Variants in ANKRD13C observed in about 807,000 individuals in gnomAD.
ANKRD13C encodes ankyrin repeat domain-containing protein 13C.
Under a neutral mutation model 65.5 loss-of-function variants are expected in ANKRD13C, and 16 were observed. The ratio of observed to expected loss-of-function variants is 0.24; its 90% CI spans 0.17 to 0.37. The LOEUF (loss-of-function observed/expected upper bound fraction) is 0.37. Ranked by LOEUF, ANKRD13C falls within the 10% of genes least tolerant of loss-of-function variation. The pLI is 1.00. For synonymous variants in ANKRD13C, 235 were observed against 238.7 expected (o/e 0.98, Z 0.14); for missense variants, 503 against 655.9 (o/e 0.77, Z 2.55).
chr1:70,308,364 T>C (rs1231817472), intron 5 of ANKRD13C, among the ~76,000 whole-genome samples: 2 of 151,850 alleles, frequency 1.3e-5, no homozygotes, highest in East Asian at 1.9e-4. Context: ...CACTAATACT[T>C]TTATTAAAAA....
chr1:70,341,119 C>T (rs1682288267), intron 1 of ANKRD13C, among the ~76,000 whole-genome samples: 1 of 152,116 alleles, frequency 6.6e-6, no homozygotes, highest in Non-Finnish European at 1.5e-5. Context: ...CAAAAAACAA[C>T]TATTGGGATA....
chr1:70,324,992 T>C (rs966197220), intron 2 of ANKRD13C, 35 bp from the exon 3 acceptor site: 2 of 1,455,196 alleles, frequency 1.4e-6, no homozygotes, highest in Non-Finnish European at 1.9e-6. Flanking sequence ...TCAAACATCA[T>C]GCAATTTTTA....
intron 3 of ANKRD13C, among the ~76,000 whole-genome samples, chr1:70,320,584 C>G (rs1681263292): frequency 1.3e-5 from 2 of 151,956 alleles, no homozygotes; most frequent in Non-Finnish European, 2.9e-5. Flanking sequence ...ACCCACCTGT[C>G]TCGGCCTCCC....
Position 70,351,433 on chromosome 1 carries a change from T to C in ANKRD13C, c.430+2546A>G, listed in dbSNP as rs192227720. Among the ~76,000 whole-genome samples, 671 of 152,306 alleles carry C rather than the reference T, an allele frequency of 4.4e-3. 2 individuals are homozygous for C. Among genetic ancestry groups the C allele is most frequent in the Non-Finnish European group, 7.1e-3 (482 of 68,018 alleles). On this transcript the variant is annotated intron_variant, in intron 1 of 12. Transcript: ENST00000370944. ...TTTATTTATTGAGACGGAGTCTCAC[T>C]CTGTTACCCAGGCTGGAGTGCAACG... is the stretch of plus-strand genomic sequence containing the variant.
At chr1:70,286,320 C>T (rs78079426) in intron 9 of ANKRD13C, among the ~76,000 whole-genome samples, 3,072 of 152,048 alleles carry the variant, frequency 0.02, 116 homozygotes, top group African/African-American at 0.071. Flanking sequence ...GTCCAAATAA[C>T]ATATAAAAAG....
intron 2 of ANKRD13C, among the ~76,000 whole-genome samples, chr1:70,329,867 C>T (rs150514302): frequency 5.3e-5 from 8 of 151,778 alleles, no homozygotes; most frequent in South Asian, 2.1e-4. Flanking sequence ...CTGAGGCGGG[C>T]GGATCAGGAG....
At chr1:70,297,649 C>T (rs2101315418) in intron 7 of ANKRD13C, among the ~76,000 whole-genome samples, 1 of 149,120 alleles carries the variant, frequency 6.7e-6, no homozygotes, top group East Asian at 2.1e-4. Context: ...GGCTAGGTGG[C>T]TCATGCCTGT....
rs1359415259 is a variant in ANKRD13C at position 70,300,756 on chromosome 1, A to G, written c.921+8T>C. ...TTTAAAGGAATATTGATAAGACAAC[A>G]TGCTCACCTCATGATGTATTCGCTG... On this transcript the variant is annotated splice_region_variant and intron_variant, in intron 7 of 12. Coordinates refer to ENST00000370944, the MANE Select transcript of ANKRD13C (RefSeq NM_030816.5). 6.3e-7 allele frequency: 1 copy of G among 1,590,430 alleles called. No individual in the cohort carries two copies. Among genetic ancestry groups the G allele is most frequent in the Non-Finnish European group, 8.5e-7 (1 of 1,170,610 alleles).
In ANKRD13C at chr1:70,306,133, A is replaced by T. The variant is rs1680578629; in HGVS notation, c.776+91T>A. 8 of 846,148 alleles carry T rather than the reference A, an allele frequency of 9.5e-6. 1 individual carries two copies. The South Asian group carries it at 2.0e-4, about 21-fold the overall frequency. 52.4% of individuals were successfully genotyped at this position (846,148 alleles called of 1,614,324 possible). A position where few individuals can be genotyped will look rare whatever the true frequency, so the allele number is the denominator to read the frequency against. On this transcript the variant is annotated intron_variant, in intron 6 of 12. Transcript: ENST00000370944. ...GACTCTGTTACAGCATTTTAACGTCATAAAACACATGTAAGTTATGATTAC... is the reference window on the plus strand; with the variant it reads ...GACTCTGTTACAGCATTTTAACGTCTTAAAACACATGTAAGTTATGATTAC...
intron 12 of ANKRD13C, among the ~76,000 whole-genome samples, chr1:70,268,486 T>C (rs1391152887): frequency 1.3e-5 from 2 of 152,090 alleles, no homozygotes; most frequent in Non-Finnish European, 2.9e-5. Flanking sequence ...TAAAAAGAGC[T>C]AGGAGGAGAA....
chr1:70,296,961 T>C (rs998239521), intron 7 of ANKRD13C, among the ~76,000 whole-genome samples: 1 of 152,204 alleles, frequency 6.6e-6, no homozygotes, highest in African/African-American at 2.4e-5. Flanking sequence ...TGAGCAATAA[T>C]TATTTTTTAT....
chr1:70,297,442 C>T (rs1291480967), intron 7 of ANKRD13C, among the ~76,000 whole-genome samples: 9 of 150,424 alleles, frequency 6.0e-5, no homozygotes, highest in Non-Finnish European at 8.9e-5. Flanking sequence ...TACAGGCACC[C>T]GCCCCCATGC....
At chr1:70,326,569 C>CT (rs1681554731) in intron 2 of ANKRD13C, among the ~76,000 whole-genome samples, 2 of 152,004 alleles carry the variant, frequency 1.3e-5, no homozygotes, top group African/African-American at 4.8e-5. Context: ...TAGCAGGGAA[C>CT]TTTATCACAA....
rs1682916941 is a variant in ANKRD13C, at chr1:70,354,568, G to A, written c.-160C>T. The A allele has an allele frequency of 8.4e-6, 12 of 1,425,854 alleles. No individual in the cohort carries two copies. Among genetic ancestry groups the A allele is most frequent in the East Asian group, 2.5e-5 (1 of 39,948 alleles). 88.3% of individuals were successfully genotyped at this position (1,425,854 alleles called of 1,614,324 possible). The stretch of plus-strand genomic sequence containing the variant: ...GCCTGGGACAAACGCATCTCCCGGG[G>A]AAGAGCCGGCTCTCGCCTAGGCACG... On this transcript the variant is annotated 5_prime_UTR_variant, in exon 1 of 13. Transcript: ENST00000370944.
chr1:70,309,545 C>T (rs1327094043), intron 5 of ANKRD13C, among the ~76,000 whole-genome samples: 1 of 149,200 alleles, frequency 6.7e-6, no homozygotes, highest in Admixed American at 6.6e-5. Context: ...GGTGAAATCC[C>T]GTCTGTACTA....
intron 1 of ANKRD13C, among the ~76,000 whole-genome samples, chr1:70,340,260 A>C (rs540198452): frequency 7.1e-4 from 108 of 152,330 alleles, no homozygotes; most frequent in African/African-American, 2.5e-3. Context: ...GGGTAAAATA[A>C]ACTCAAATTG....
chr1:70,273,703 C>A (rs1678997574), intron 11 of ANKRD13C, among the ~76,000 whole-genome samples: 1 of 151,892 alleles, frequency 6.6e-6, no homozygotes, highest in Non-Finnish European at 1.5e-5. Flanking sequence ...ACTCTCCAGG[C>A]TGGAGTGCAG....
intron 9 of ANKRD13C, among the ~76,000 whole-genome samples, chr1:70,285,630 CTTT>C (rs528594825): frequency 7.5e-6 from 1 of 133,542 alleles, no homozygotes; most frequent in Non-Finnish European, 1.6e-5. Context: ...GAGTTAAACA[CTTT>C]TTTTTTTTTT....
At chr1:70,332,357 TG>T (rs915928404) in intron 2 of ANKRD13C, among the ~76,000 whole-genome samples, 4 of 152,268 alleles carry the variant, frequency 2.6e-5, no homozygotes, top group Admixed American at 2.6e-4. Context: ...TGATTTGCTC[TG>T]GAAACTCTAT....
Sources: allele counts gnomAD v4.1 joint callset (sites outside exome capture counted in the v4.1 genomes callset), GRCh38; gene constraint gnomAD v4.1.1; transcripts MANE v1.5; gene names NCBI Gene and HGNC (gene_info 2026-07-23, HGNC 2026-07-21).